The following TLK2 variants were observed in gnomAD, a reference collection of about 807,000 sequenced individuals.
TLK2 encodes tousled like kinase 2.
Under a neutral mutation model 117.3 loss-of-function variants are expected in TLK2, and 6 were observed. That is an observed-to-expected ratio of 0.05 (90% confidence interval 0.03 to 0.10). The LOEUF is 0.10. Among genes scored for constraint, TLK2 ranks in the 10% least tolerant of loss-of-function variants. TLK2 has a pLI of 1.00. For missense variants in TLK2, 299 were observed against 901.2 expected (o/e 0.33, Z 8.56); for synonymous variants, 257 against 316.7 (o/e 0.81, Z 2.00).
At chr17:62,501,926 G>A (rs1312415809) in intron 2 of TLK2, among the ~76,000 whole-genome samples, 2 of 151,866 alleles carry the variant, frequency 1.3e-5, no homozygotes, top group African/African-American at 2.4e-5. Context: ...GGCACAATCA[G>A]TGTCACAAAC....
At chr17:62,480,092 C>T (rs1276655538) in intron 1 of TLK2, among the ~76,000 whole-genome samples, 1 of 152,210 alleles carries the variant, frequency 6.6e-6, no homozygotes, top group African/African-American at 2.4e-5. Context: ...GCTCTCAATC[C>T]AGGAAGGGAA....
chr17:62,522,179 T>C, intron 3 of TLK2, 25 bp from the exon 4 acceptor site: 1 of 1,604,548 alleles, frequency 6.2e-7, no homozygotes. Flanking sequence ...AAAATGCTAA[T>C]TGTGACTTAT....
intron 6 of TLK2, among the ~76,000 whole-genome samples, chr17:62,526,242 G>A (rs1029767608): frequency 3.3e-5 from 5 of 152,146 alleles, no homozygotes; most frequent in Non-Finnish European, 5.9e-5. Flanking sequence ...CATACACCAA[G>A]GTGACTGACT....
chr17:62,478,635 C>G (rs1279899470), upstream of TLK2, among the ~76,000 whole-genome samples: 4 of 150,898 alleles, frequency 2.7e-5, no homozygotes, highest in East Asian at 2.0e-4. Flanking sequence ...AACCCCTGCC[C>G]GGCAGCGCGG....
intron 2 of TLK2, among the ~76,000 whole-genome samples, chr17:62,483,908 C>T (rs555595985): frequency 6.6e-6 from 1 of 152,180 alleles, no homozygotes; most frequent in East Asian, 1.9e-4. Flanking sequence ...GCACTGCAAT[C>T]TCTGCCTCCC....
At chr17:62,584,991 C>A (rs1293764764) in intron 15 of TLK2, among the ~76,000 whole-genome samples, 2 of 152,174 alleles carry the variant, frequency 1.3e-5, no homozygotes, top group Non-Finnish European at 2.9e-5. Flanking sequence ...AAAAACTATT[C>A]TAAAGAAGCT....
upstream of TLK2, among the ~76,000 whole-genome samples, chr17:62,476,249 G>C (rs1431574609): frequency 6.6e-6 from 1 of 151,664 alleles, no homozygotes; most frequent in East Asian, 2.0e-4. Flanking sequence ...CAGAGTGCTG[G>C]GATTACAGGC....
chr17:62,473,268 C>A (rs1043528810), intron 1 of TLK2, among the ~76,000 whole-genome samples: 18 of 152,138 alleles, frequency 1.2e-4, no homozygotes, highest in African/African-American at 3.9e-4. Context: ...GTGACTTCAT[C>A]TTCTATCTAT....
chr17:62,576,674 A>T, intron 12 of TLK2, 35 bp from the exon 13 acceptor site: 1 of 1,499,528 alleles, frequency 6.7e-7, no homozygotes, highest in South Asian at 1.1e-5. Flanking sequence ...TATGATTTCT[A>T]GTAGTTTACT....
chr17:62,505,560 C>G (rs1179793774), intron 2 of TLK2, among the ~76,000 whole-genome samples: 1 of 151,564 alleles, frequency 6.6e-6, no homozygotes, highest in Non-Finnish European at 1.5e-5. Flanking sequence ...GCTCAAGACA[C>G]CAGTTGTTTT....
chr17:62,606,028 G>C, intron 19 of TLK2, 102 bp from the exon 20 acceptor site: 5 of 278,366 alleles, frequency 1.8e-5, no homozygotes, highest in East Asian at 1.3e-4. Context: ...AAAAAAAAAC[G>C]ATATTTCTAT....
At chr17:62,529,060 T>A (rs1311650308) in intron 6 of TLK2, among the ~76,000 whole-genome samples, 6 of 152,188 alleles carry the variant, frequency 3.9e-5, no homozygotes, top group African/African-American at 1.2e-4. Flanking sequence ...AAACTCAGTG[T>A]TTAAATCTTA....
intron 7 of TLK2, among the ~76,000 whole-genome samples, chr17:62,541,261 C>T (rs2077512889): frequency 6.6e-6 from 1 of 152,176 alleles, no homozygotes; most frequent in Non-Finnish European, 1.5e-5. Context: ...TTTTGTCTGA[C>T]TTCCCCCCAC....
rs555856313 is a variant in TLK2 at position 62,555,021 on chromosome 17, T to C, written c.720+1266T>C. On this transcript the variant is annotated intron_variant, in intron 9 of 21. Transcript: ENST00000346027. ...TGAAGTAGATATGTGTGTGTATATA[T>C]ACACACACACACACACAAATGAATA... Among the ~76,000 whole-genome samples the C allele has an allele frequency of 5.0e-4, 75 of 151,440 alleles. 1 individual carries two copies. In the South Asian group the frequency reaches 0.015, roughly 30 times the overall value.
intron 9 of TLK2, among the ~76,000 whole-genome samples, chr17:62,558,018 C>T (rs2078985304): frequency 6.6e-6 from 1 of 152,152 alleles, no homozygotes; most frequent in Admixed American, 6.6e-5. Context: ...AGAACTTGTG[C>T]TTCTAGAAGA....
chr17:62,533,932 A>G (rs1261866907), intron 6 of TLK2, among the ~76,000 whole-genome samples: 3 of 152,120 alleles, frequency 2.0e-5, no homozygotes, highest in African/African-American at 4.8e-5. Flanking sequence ...CAAACGTCCT[A>G]CCATCTTTTT....
At position 62,599,419 on chromosome 17, in the gene TLK2, C is replaced by T. The variant is rs1316512749; in HGVS notation, c.1551-1232C>T. 3.3e-5 allele frequency among the ~76,000 whole-genome samples: 5 copies of T among 152,182 alleles called. No individual in the cohort carries two copies. The East Asian group carries it at 9.6e-4, about 29-fold the overall frequency. ...TGTTTGCTCTCAGTTCTGTTCCTCG[C>T]CCTTTCGCTGCTCTGTATCTTTGGG... On this transcript the variant is annotated intron_variant, in intron 17 of 21. Transcript: ENST00000346027.
At chr17:62,531,007 T>A (rs556531573) in intron 6 of TLK2, among the ~76,000 whole-genome samples, 4 of 152,280 alleles carry the variant, frequency 2.6e-5, no homozygotes, top group African/African-American at 9.6e-5. Flanking sequence ...GGTATCTGCT[T>A]TTTTTCCCCT....
At chr17:62,532,484 C>CT (rs1173268564) in intron 6 of TLK2, among the ~76,000 whole-genome samples, 6 of 152,310 alleles carry the variant, frequency 3.9e-5, no homozygotes, top group Non-Finnish European at 7.3e-5. Flanking sequence ...GATTCAAAAA[C>CT]TAATTTCTTT....
Sources: gnomAD v4.1 joint callset for allele counts (sites outside exome capture counted in the v4.1 genomes callset) on GRCh38, gnomAD v4.1.1 for gene constraint, MANE v1.5 for transcripts, NCBI Gene and HGNC (gene_info 2026-07-23, HGNC 2026-07-21) for gene names.